Variants in TEX2 observed in about 807,000 individuals in gnomAD.
TEX2 encodes the protein testis expressed 2.
In TEX2, 53 loss-of-function variants were observed where a neutral mutation model predicts 106.9. That is an observed-to-expected ratio of 0.50 (90% CI 0.40 to 0.62). The LOEUF (loss-of-function observed/expected upper bound fraction) is 0.62, where lower values mean the gene tolerates loss of function less well. TEX2 is among the 20% of genes least tolerant of loss of function. The pLI, the probability that TEX2 is intolerant of heterozygous loss-of-function variation, is 0.00. For synonymous variants in TEX2, 523 were observed against 534.8 expected (o/e 0.98, Z 0.30); for missense variants, 1,207 against 1,379.0 (o/e 0.88, Z 1.98).
chr17:64,196,117 A>C (rs1250014788), intron 2 of TEX2, among the ~76,000 whole-genome samples: 8 of 152,386 alleles, frequency 5.2e-5, no homozygotes, highest in Non-Finnish European at 1.5e-5. Context: ...AAAGTCTTGA[A>C]TTGAAAGCCT....
Position 64,175,592 on chromosome 17 carries a change from T to A in TEX2, c.2571+1733A>T, listed in dbSNP as rs74604177. 5.9e-3 allele frequency among the ~76,000 whole-genome samples: 891 copies of A among 152,280 alleles called. 11 individuals are homozygous for A. Among genetic ancestry groups the A allele is most frequent in the African/African-American group, 0.02 (848 of 41,542 alleles). On this transcript the variant is annotated intron_variant, in intron 6 of 11. Coordinates refer to ENST00000584379, the MANE Select transcript of TEX2 (RefSeq NM_001288732.2). ...AACCAGTTTGGTTTTGTTGGTGTTG[T>A]TGTTGTTTTTAGAGATGAGAGTCTT...
At chr17:64,219,508 C>CAAATAAAATAAAATAAAATA (rs3071506) in intron 1 of TEX2, among the ~76,000 whole-genome samples, 114 of 134,922 alleles carry the variant, frequency 8.4e-4, no homozygotes, top group African/African-American at 2.9e-3. Context: ...TCCATCTCAT[C>CAAATAAAATAAAATAAAATA]AAATAAAATA....
At chr17:64,240,271 CTT>C (rs2033863838) in intron 1 of TEX2, among the ~76,000 whole-genome samples, 1 of 142,808 alleles carries the variant, frequency 7.0e-6, no homozygotes. Flanking sequence ...GTGTAAAGCT[CTT>C]TGTTAATAAA....
At position 64,170,871 on chromosome 17, in the gene TEX2, G is replaced by A. The variant is rs187053716; in HGVS notation, c.2671+229C>T. 2.3e-3 allele frequency among the ~76,000 whole-genome samples: 345 copies of A among 152,228 alleles called. 1 individual carries two copies. Among genetic ancestry groups the A allele is most frequent in the African/African-American group, 7.8e-3 (322 of 41,548 alleles). The stretch of plus-strand genomic sequence containing the variant: ...GCTGGCCTCGAATTCCTGACCTCAG[G>A]TGATCCGCCTGCCTTGGCCTCCCAA... On this transcript the variant is annotated intron_variant, in intron 7 of 11. Coordinates refer to ENST00000584379, the MANE Select transcript of TEX2 (RefSeq NM_001288732.2).
At chr17:64,250,530 C>G (rs1202153741) in intron 1 of TEX2, among the ~76,000 whole-genome samples, 1 of 152,188 alleles carries the variant, frequency 6.6e-6, no homozygotes, top group Non-Finnish European at 1.5e-5. Flanking sequence ...ACTGCATGGT[C>G]CACTTGTAAT....
At chr17:64,189,808 C>A (rs1004423463) in intron 4 of TEX2, among the ~76,000 whole-genome samples, 5 of 151,790 alleles carry the variant, frequency 3.3e-5, no homozygotes, top group African/African-American at 1.2e-4. Flanking sequence ...ATGATGAAAC[C>A]CCATCTCTAC....
intron 1 of TEX2, chr17:64,239,177 G>A (rs2033832020): frequency 6.6e-6 from 1 of 152,180 alleles, no homozygotes; most frequent in African/African-American, 2.4e-5. Context: ...GACAGGAAAG[G>A]GACGAAGCTG....
At chr17:64,187,207 C>T (rs538695589) in intron 5 of TEX2, among the ~76,000 whole-genome samples, 14 of 152,278 alleles carry the variant, frequency 9.2e-5, no homozygotes, top group South Asian at 4.1e-4. Context: ...ATCCTAAGTC[C>T]GTGTCCGGTT....
rs972516101 is a variant in TEX2, at chr17:64,147,600, A to AGT, written c.*1367_*1368dup. 6.6e-6 allele frequency: 1 copy of AGT among 152,632 alleles called. No individual in the cohort carries two copies. The highest frequency in any genetic ancestry group is 2.4e-5 in the African/African-American group (1 of 41,446). The allele number at this position is 152,632 out of a possible 1,614,324, so 9.5% of individuals were successfully genotyped here. ...TTATTGCACAACAATTATAAAGACC[A>AGT]GTGACCAGGACACGTGGACTCTGAC... On this transcript the variant is annotated 3_prime_UTR_variant, in exon 12 of 12. Coordinates refer to ENST00000584379, the MANE Select transcript of TEX2 (RefSeq NM_001288732.2).
At chr17:64,257,025 C>A (rs530349369) in intron 1 of TEX2, among the ~76,000 whole-genome samples, 2 of 152,178 alleles carry the variant, frequency 1.3e-5, no homozygotes, top group Non-Finnish European at 2.9e-5. Flanking sequence ...AGCAATCCAA[C>A]GGGTAGGTTT....
intron 1 of TEX2, among the ~76,000 whole-genome samples, chr17:64,239,548 C>CA (rs1350173402): frequency 6.6e-6 from 1 of 152,042 alleles, no homozygotes; most frequent in Admixed American, 6.6e-5. Context: ...GCTTAACTTA[C>CA]AAAAAAATTT....
At chr17:64,171,519 G>A (rs1474892552) in intron 6 of TEX2, among the ~76,000 whole-genome samples, 3 of 152,020 alleles carry the variant, frequency 2.0e-5, no homozygotes, top group Non-Finnish European at 4.4e-5. Context: ...GGAACACGGG[G>A]GTGGCTGTTT....
intron 2 of TEX2, among the ~76,000 whole-genome samples, chr17:64,208,139 A>G (rs1169343449): frequency 1.3e-5 from 2 of 152,226 alleles, no homozygotes; most frequent in Non-Finnish European, 2.9e-5. Flanking sequence ...CTAAGCAACA[A>G]ATGTCAAGCT....
At chr17:64,173,329 T>C (rs985144028) in intron 6 of TEX2, among the ~76,000 whole-genome samples, 2 of 152,246 alleles carry the variant, frequency 1.3e-5, no homozygotes, top group Non-Finnish European at 2.9e-5. Flanking sequence ...AGTTGAATGT[T>C]ACAATAGTTT....
intron 5 of TEX2, among the ~76,000 whole-genome samples, chr17:64,186,405 T>C (rs2032076975): frequency 6.6e-6 from 1 of 152,210 alleles, no homozygotes; most frequent in African/African-American, 2.4e-5. Flanking sequence ...GGTCTTTTAT[T>C]GCCCTGACAA....
chr17:64,190,930 C>G (rs2032273065), intron 4 of TEX2, among the ~76,000 whole-genome samples: 1 of 152,196 alleles, frequency 6.6e-6, no homozygotes, highest in Non-Finnish European at 1.5e-5. Flanking sequence ...AGGAAGACTT[C>G]TAACTTCTTG....
At chr17:64,249,035 A>C (rs1339653394) in intron 1 of TEX2, among the ~76,000 whole-genome samples, 2 of 150,696 alleles carry the variant, frequency 1.3e-5, no homozygotes, top group East Asian at 3.9e-4. Context: ...ACTTTGTCTC[A>C]AAGAAAAAAA....
chr17:64,188,114 G>A (rs2032144811), intron 5 of TEX2, 54 bp downstream of exon 5: 1 of 1,575,626 alleles, frequency 6.3e-7, no homozygotes. Flanking sequence ...TACGCATGAA[G>A]AAATGTGTCT....
chr17:64,163,529 T>A (rs986851149), intron 7 of TEX2, among the ~76,000 whole-genome samples: 1 of 152,154 alleles, frequency 6.6e-6, no homozygotes, highest in African/African-American at 2.4e-5. Context: ...TGCATTCAGA[T>A]GAGGGTAAGA....
Sources: gnomAD v4.1 joint callset for allele counts (sites outside exome capture counted in the v4.1 genomes callset) on GRCh38, gnomAD v4.1.1 for gene constraint, MANE v1.5 for transcripts, NCBI Gene and HGNC (gene_info 2026-07-23, HGNC 2026-07-21) for gene names.